The following CDHR2 variants were observed in gnomAD, a reference collection of about 807,000 sequenced individuals.
CDHR2 encodes cadherin related family member 2.
In CDHR2, 104 loss-of-function variants were observed where a neutral mutation model predicts 138.6. The ratio of observed to expected loss-of-function variants is 0.75; its 90% CI spans 0.64 to 0.88. The LOEUF is 0.88. CDHR2 is among the 40% of genes least tolerant of loss of function. The pLI is 0.00. For synonymous variants in CDHR2, 755 were observed against 742.8 expected (o/e 1.02, Z -0.27); for missense variants, 1,624 against 1,727.6 (o/e 0.94, Z 1.06).
At chr5:176,584,287 A>C (rs772131855) in intron 18 of CDHR2, 28 bp downstream of exon 18, 1 of 1,613,358 alleles carries the variant, frequency 6.2e-7, no homozygotes, top group African/African-American at 1.3e-5. Context: ...CAGGAGAGAC[A>C]CTGCGGCTGG....
intron 30 of CDHR2, 45 bp downstream of exon 30, chr5:176,591,529 C>T (rs745727542): frequency 1.4e-6 from 2 of 1,418,318 alleles, no homozygotes; most frequent in Admixed American, 1.7e-5. Flanking sequence ...GGTGGTGGTA[C>T]AGGTAGTGAC....
chr5:176,581,323 AC>A lies in CDHR2; in HGVS notation c.1819-16del. The stretch of plus-strand genomic sequence containing the variant: ...TGGGAATGCCGATGGCCGATGACCA[AC>A]CCCTGCTTACGTGCACAGGCCCACG... On this transcript the variant is annotated intron_variant, in intron 16 of 31. Transcript: ENST00000261944. 6.2e-7 allele frequency: 1 copy of A among 1,610,604 alleles called. No homozygotes were observed. The highest frequency in any genetic ancestry group is 8.5e-7 in the Non-Finnish European group (1 of 1,179,780).
At chr5:176,568,874 T>C (rs1758150328) in intron 4 of CDHR2, 57 bp downstream of exon 4, 8 of 1,611,216 alleles carry the variant, frequency 5.0e-6, no homozygotes, top group Middle Eastern at 1.6e-4. Flanking sequence ...GGGAGGGCCC[T>C]GGGAGCCCGC....
intron 12 of CDHR2, among the ~76,000 whole-genome samples, 195 bp from the exon 13 acceptor site, chr5:176,577,204 C>A (rs1758403636): frequency 6.6e-6 from 1 of 152,150 alleles, no homozygotes; most frequent in Admixed American, 6.5e-5. Flanking sequence ...AGGGAGCTGT[C>A]TTCTACAGAG....
chr5:176,574,085 C>G lies in CDHR2; in HGVS notation c.408C>G (p.Thr136=), dbSNP rs372367139. 4 of 1,613,250 alleles carry G rather than the reference C, an allele frequency of 2.5e-6. No individual in the cohort carries two copies. The African/African-American group carries it at 5.3e-5, about 22-fold the overall frequency. The part of the protein sequence containing the change: ...NTAFSTSINE[T]LPVGSVVFSV... ...AGGTGACGAGTCCCTCCCTGCAGACCCTGCCCGTGGGCAGTGTGGTGTTCT... is the reference window on the plus strand; with the variant it reads ...AGGTGACGAGTCCCTCCCTGCAGACGCTGCCCGTGGGCAGTGTGGTGTTCT... Residue 136 remains threonine (T), a splice_region_variant and synonymous_variant, in exon 7 of 32, where the codon ACC becomes ACG. Coordinates refer to ENST00000261944, the MANE Select transcript of CDHR2 (RefSeq NM_017675.6).
intron 16 of CDHR2, among the ~76,000 whole-genome samples, chr5:176,580,487 G>T (rs369857651): frequency 7.1e-6 from 1 of 141,660 alleles, no homozygotes; most frequent in East Asian, 2.1e-4. Context: ...TGAGATCATG[G>T]CACTGCACTC....
rs372698826 is a variant in CDHR2 at position 176,586,779 on chromosome 5, G to A, written c.2807-14G>A. The A allele has an allele frequency of 6.4e-5, 102 of 1,602,804 alleles. No individual in the cohort carries two copies. Among genetic ancestry groups the A allele is most frequent in the African/African-American group, 5.2e-4 (39 of 74,904 alleles). ...TCCCGACCCCGCTGACCCCGTTCCC[G>A]TTCACACCTGCAGTGATCATCCCTG... On this transcript the variant is annotated splice_polypyrimidine_tract_variant and intron_variant, in intron 20 of 31. Coordinates refer to ENST00000261944, the MANE Select transcript of CDHR2 (RefSeq NM_017675.6).
intron 31 of CDHR2, among the ~76,000 whole-genome samples, chr5:176,594,759 C>T (rs945472677): frequency 3.3e-5 from 5 of 152,160 alleles, no homozygotes; most frequent in African/African-American, 7.2e-5. Context: ...CTGGGGAGGG[C>T]GGTGGTGGCC....
intron 30 of CDHR2, 141 bp from the exon 31 acceptor site, chr5:176,592,582 T>G: frequency 1.5e-6 from 1 of 687,116 alleles, no homozygotes; most frequent in South Asian, 1.6e-5. Flanking sequence ...TGATGGTAGT[T>G]GTGATGATGG....
Position 176,576,058 on chromosome 5 carries a change from G to T in CDHR2, c.1067G>T (p.Cys356Phe). Residue 356 changes from cysteine to phenylalanine, a missense_variant, in exon 12 of 32, where the codon TGC becomes TTC. By Grantham distance (205) the Cys-to-Phe change is radical. Transcript: ENST00000261944. The surrounding 1 kb of genome is among the most constrained non-coding windows in gnomAD (Gnocchi z 4.5). ...GACCACAAACCTGAGTTTTACAACTGCAGCCTCCCAGCCTGCACCTTCACC... is the reference window on the plus strand; with the variant it reads ...GACCACAAACCTGAGTTTTACAACTTCAGCCTCCCAGCCTGCACCTTCACC... ...VNDHKPEFYN[C>F]SLPACTFTPE... 6.2e-7 allele frequency: 1 copy of T among 1,614,074 alleles called. No individual in the cohort carries two copies. The highest frequency in any genetic ancestry group is 8.5e-7 in the Non-Finnish European group (1 of 1,180,020).
intron 31 of CDHR2, among the ~76,000 whole-genome samples, chr5:176,595,023 G>A (rs949998405): frequency 1.3e-5 from 2 of 152,220 alleles, no homozygotes; most frequent in Non-Finnish European, 2.9e-5. Context: ...TCATGGACAC[G>A]CTTTTGAACC....
rs1051445126 is a variant in CDHR2 at position 176,575,026 on chromosome 5, G to T, written c.496-58G>T. ...GGACCTTCCCTGCGTTGCTCAGAGTGGGGTCCTCGGTGCAGGGCTGTCCCT... is the reference window on the plus strand; with the variant it reads ...GGACCTTCCCTGCGTTGCTCAGAGTTGGGTCCTCGGTGCAGGGCTGTCCCT... On this transcript the variant is annotated intron_variant, in intron 7 of 31. Transcript: ENST00000261944. 30 of 1,601,426 alleles carry T rather than the reference G, an allele frequency of 1.9e-5. No homozygotes were observed. The African/African-American group carries it at 3.7e-4, about 20-fold the overall frequency.
chr5:176,566,669 C>T (rs1028124669), intron 3 of CDHR2, among the ~76,000 whole-genome samples: 11 of 152,234 alleles, frequency 7.2e-5, no homozygotes, highest in Admixed American at 6.5e-4. Flanking sequence ...GTCCCACCCA[C>T]ATGGGCCAGG....
intron 6 of CDHR2, 137 bp from the exon 7 acceptor site, chr5:176,573,946 A>T (rs1487708860): frequency 7.8e-6 from 5 of 643,714 alleles, no homozygotes; most frequent in Non-Finnish European, 1.3e-5. Flanking sequence ...TTCCACCCGC[A>T]GCCCTGGTGG....
chr5:176,588,589 G>A (rs376181346), intron 21 of CDHR2, among the ~76,000 whole-genome samples: 1,855 of 137,254 alleles, frequency 0.014, 39 homozygotes, highest in African/African-American at 0.049. Context: ...GTGTGAGGGT[G>A]TGTATGAGTG....
chr5:176,588,551 G>A (rs1216280853), intron 21 of CDHR2, among the ~76,000 whole-genome samples: 3 of 151,308 alleles, frequency 2.0e-5, no homozygotes, highest in Non-Finnish European at 1.5e-5. Flanking sequence ...GTGAGTGTAT[G>A]TGTGAGTGGG....
chr5:176,575,267 C>T lies in CDHR2; in HGVS notation c.622-13C>T. The T allele has an allele frequency of 6.2e-7, 1 of 1,614,172 alleles. No homozygotes were observed. The highest frequency in any genetic ancestry group is 8.5e-7 in the Non-Finnish European group (1 of 1,180,006). On this transcript the variant is annotated splice_polypyrimidine_tract_variant and intron_variant, in intron 8 of 31. Transcript: ENST00000261944. ...CCCACGGCGCTGGCTCACGGGTGGCCATCTCCCCGCAGGACTTGGGCGGCA... is the reference window on the plus strand; with the variant it reads ...CCCACGGCGCTGGCTCACGGGTGGCTATCTCCCCGCAGGACTTGGGCGGCA...
intron 17 of CDHR2, 119 bp from the exon 18 acceptor site, chr5:176,584,071 T>A: frequency 2.4e-6 from 2 of 821,654 alleles, no homozygotes; most frequent in Non-Finnish European, 4.1e-6. Context: ...AAGTGGGCAG[T>A]GAGGTCTGAG....
At chr5:176,578,280 G>A (rs527782725) in intron 15 of CDHR2, 85 bp from the exon 16 acceptor site, 5 of 1,370,294 alleles carry the variant, frequency 3.6e-6, no homozygotes, top group Non-Finnish European at 5.1e-6. Flanking sequence ...GGGATATGCT[G>A]AAATATTTGT....
Sources: allele counts gnomAD v4.1 joint callset (sites outside exome capture counted in the v4.1 genomes callset), GRCh38; gene constraint gnomAD v4.1.1; non-coding constraint Gnocchi (gnomAD v3.1); transcripts MANE v1.5; gene names NCBI Gene and HGNC (gene_info 2026-07-23, HGNC 2026-07-21).